SLC20A2: variants seen among roughly 807,000 people sequenced by gnomAD.
SLC20A2 encodes the protein sodium-dependent phosphate transporter 2.
A neutral mutation model predicts 61.0 loss-of-function variants in SLC20A2; 30 were observed. The ratio of observed to expected loss-of-function variants is 0.49; its 90% confidence interval spans 0.37 to 0.67. The LOEUF is 0.67. SLC20A2 is among the 30% of genes least tolerant of loss of function. The probability of loss-of-function intolerance (pLI) is 0.00; values close to 1 mark genes in which losing one functional copy is unlikely to be tolerated. For missense variants in SLC20A2, 626 were observed against 866.4 expected (o/e 0.72, Z 3.48); for synonymous variants, 351 against 353.3 (o/e 0.99, Z 0.07).
Position 42,444,751 on chromosome 8 carries a change from C to A in SLC20A2, c.625G>T (p.Val209Phe), listed in dbSNP as rs780604908. The A allele has an allele frequency of 6.2e-7, 1 of 1,613,396 alleles. No individual in the cohort carries two copies. The highest frequency in any genetic ancestry group is 8.5e-7 in the Non-Finnish European group (1 of 1,179,614). Residue 209 changes from valine to phenylalanine, a missense_variant, in exon 6 of 11, where the codon GTT becomes TTT. Val to Phe is a conservative substitution (Grantham distance 50). Coordinates refer to ENST00000520262, the MANE Select transcript of SLC20A2 (RefSeq NM_001257180.2). ...AGGGCTATGGCCCACATGGGGAGAA[C>A]AAGGCCGAGCACTGGGAAGGAAAAT... is the stretch of plus-strand genomic sequence containing the variant. Reference protein sequence around the residue: ...MYTGAPVLGLVLPMWAIALIS... With the variant: ...MYTGAPVLGLFLPMWAIALIS...
intron 1 of SLC20A2, among the ~76,000 whole-genome samples, chr8:42,518,477 G>A (rs1459844835): frequency 1.3e-5 from 2 of 152,110 alleles, no homozygotes; most frequent in Admixed American, 6.6e-5. Flanking sequence ...CATGTTCAGA[G>A]TTTGAGCCTA....
chr8:42,464,665 TC>T (rs1317759094), intron 3 of SLC20A2, among the ~76,000 whole-genome samples: 10 of 152,138 alleles, frequency 6.6e-5, no homozygotes, highest in African/African-American at 2.2e-4. Flanking sequence ...ACATAATAGT[TC>T]ACTATCTCTA....
At chr8:42,465,554 G>A (rs994818692) in intron 3 of SLC20A2, among the ~76,000 whole-genome samples, 1 of 151,724 alleles carries the variant, frequency 6.6e-6, no homozygotes, top group Non-Finnish European at 1.5e-5. Flanking sequence ...TAGCAGGCGT[G>A]GTAGGAGGAG....
intron 1 of SLC20A2, among the ~76,000 whole-genome samples, chr8:42,513,773 A>G (rs1811159238): frequency 6.6e-6 from 1 of 152,198 alleles, no homozygotes; most frequent in South Asian, 2.1e-4. Flanking sequence ...ATTATAATAC[A>G]GGTAAATCCT....
At chr8:42,473,480 A>G (rs1365020809) in intron 1 of SLC20A2, among the ~76,000 whole-genome samples, 1 of 152,124 alleles carries the variant, frequency 6.6e-6, no homozygotes, top group African/African-American at 2.4e-5. Context: ...CCTCTGCAGG[A>G]AGAATCTTCC....
chr8:42,512,697 C>T lies in SLC20A2; in HGVS notation c.-265+29124G>A, dbSNP rs556430959. ...GATGGATAAAAATGTAAAAGGGCAACATATTTATAAGGTCCAACCAACACT... is the reference window on the plus strand; with the variant it reads ...GATGGATAAAAATGTAAAAGGGCAATATATTTATAAGGTCCAACCAACACT... On this transcript the variant is annotated intron_variant, in intron 1 of 10. Transcript: ENST00000342228. Among the ~76,000 whole-genome samples, 9 of 152,290 alleles carry T rather than the reference C, an allele frequency of 5.9e-5. No homozygotes were observed. In the South Asian group the frequency reaches 1.9e-3, roughly 32 times the overall value.
intron 1 of SLC20A2, among the ~76,000 whole-genome samples, chr8:42,512,878 G>C (rs1351192520): frequency 6.6e-6 from 1 of 152,184 alleles, no homozygotes; most frequent in African/African-American, 2.4e-5. Flanking sequence ...ACTGTTCTTT[G>C]TATCAACTTT....
Position 42,437,041 on chromosome 8 carries a change from G to C in SLC20A2, c.1471C>G (p.Gln491Glu). 3 of 1,613,898 alleles carry C rather than the reference G, an allele frequency of 1.9e-6. No homozygotes were observed. Among genetic ancestry groups the C allele is most frequent in the Non-Finnish European group, 2.5e-6 (3 of 1,179,874 alleles). ...PEVHLLFHFL[Q>E]VLTACFGSFA... ...GACCCGAAACAGGCGGTGAGGACCT[G>C]CAGGAAATGGAACAGGAGGTGAACC... is the stretch of plus-strand genomic sequence containing the variant. The change falls in exon 8 of 11, where the codon CAG becomes GAG. Residue 491 changes from glutamine to glutamate, a missense_variant. Physicochemically the swap from Gln to Glu is conservative, Grantham distance 29 (BLOSUM62 2). Around this residue, in one of 3 missense-constraint regions of SLC20A2, gnomAD observed 138 missense variants for 228.7 expected, o/e 0.60. Transcript: ENST00000520262. The surrounding 1 kb of genome is among the most constrained non-coding windows in gnomAD (Gnocchi z 6.4).
intron 1 of SLC20A2, among the ~76,000 whole-genome samples, chr8:42,512,831 C>T (rs954951943): frequency 2.6e-5 from 4 of 152,208 alleles, no homozygotes; most frequent in African/African-American, 7.2e-5. Context: ...CAGATCAGAA[C>T]TATGCATTCC....
chr8:42,496,005 C>T (rs1276245736), intron 1 of SLC20A2, among the ~76,000 whole-genome samples: 1 of 152,220 alleles, frequency 6.6e-6, no homozygotes, highest in Admixed American at 6.5e-5. Flanking sequence ...CCACCTTGGC[C>T]TCCCAAAGTG....
At chr8:42,504,459 G>A (rs1439585924), upstream of SLC20A2, among the ~76,000 whole-genome samples, 1 of 151,908 alleles carries the variant, frequency 6.6e-6, no homozygotes, top group African/African-American at 2.4e-5. Context: ...GATCCGAGGA[G>A]AAAGAAAGAC....
chr8:42,508,945 C>T (rs1488433561), intron 1 of SLC20A2, among the ~76,000 whole-genome samples: 1 of 152,188 alleles, frequency 6.6e-6, no homozygotes, highest in Non-Finnish European at 1.5e-5. Context: ...CTACCTGGTT[C>T]AAATGCCAGC....
At chr8:42,439,801 T>C (rs1804631560) in intron 6 of SLC20A2, 148 bp from the exon 7 acceptor site, 1 of 653,388 alleles carries the variant, frequency 1.5e-6, no homozygotes, top group South Asian at 2.0e-5. Flanking sequence ...GAAAATGAAG[T>C]TGAGGCCAGG....
rs1041114663 is a variant in SLC20A2 at position 42,528,387 on chromosome 8, G to A, written c.-265+13434C>T. Among the ~76,000 whole-genome samples, 10 of 151,970 alleles carry A rather than the reference G, an allele frequency of 6.6e-5. 1 individual carries two copies. Among genetic ancestry groups the A allele is most frequent in the Non-Finnish European group, 5.9e-5 (4 of 67,980 alleles). ...TGAGGCAGGACAATGGCGTGAACCC[G>A]GGAAGGAGAACTTGCATTGAGCAGA... is the stretch of plus-strand genomic sequence containing the variant. On this transcript the variant is annotated intron_variant, in intron 1 of 10. Transcript: ENST00000342228.
chr8:42,527,879 C>T (rs1261187566), intron 1 of SLC20A2, among the ~76,000 whole-genome samples: 1 of 151,886 alleles, frequency 6.6e-6, no homozygotes, highest in Non-Finnish European at 1.5e-5. Context: ...AAACAACATG[C>T]CTATTATAAA....
chr8:42,531,846 A>T (rs1373399873), intron 1 of SLC20A2, among the ~76,000 whole-genome samples: 1 of 148,588 alleles, frequency 6.7e-6, no homozygotes, highest in Non-Finnish European at 1.5e-5. Context: ...TTTGAGACAG[A>T]GTCTCGCTGT....
chr8:42,480,770 C>T (rs1383841285), intron 1 of SLC20A2, among the ~76,000 whole-genome samples: 2 of 152,138 alleles, frequency 1.3e-5, no homozygotes, highest in Admixed American at 6.6e-5. Context: ...AGCAATCCTC[C>T]TACCTCAGCC....
At chr8:42,430,928 G>A (rs943728346) in intron 8 of SLC20A2, among the ~76,000 whole-genome samples, 2 of 152,150 alleles carry the variant, frequency 1.3e-5, no homozygotes, top group African/African-American at 2.4e-5. Context: ...TAAATGCTGT[G>A]TGTGTTCTCC....
chr8:42,441,208 G>A (rs1766890844), intron 6 of SLC20A2, among the ~76,000 whole-genome samples: 3 of 149,602 alleles, frequency 2.0e-5, no homozygotes, highest in Non-Finnish European at 4.4e-5. Flanking sequence ...GCGCTGGAGT[G>A]CACTAGCGTG....
Sources: allele counts gnomAD v4.1 joint callset (sites outside exome capture counted in the v4.1 genomes callset), GRCh38; gene constraint gnomAD v4.1.1; regional missense constraint gnomAD v4.1.1; non-coding constraint Gnocchi (gnomAD v3.1); transcripts MANE v1.5; gene names NCBI Gene and HGNC (gene_info 2026-07-23, HGNC 2026-07-21).